The following DEFB1 variants were observed in gnomAD, a reference collection of about 807,000 sequenced individuals.
The protein encoded by DEFB1 is defensin beta 1.
Under a neutral mutation model 2.6 loss-of-function variants are expected in DEFB1, and 4 were observed. That is an observed-to-expected ratio of 1.53 (90% CI 0.76 to 3.51). DEFB1 has a LOEUF of 3.51. Among genes scored for constraint, DEFB1 ranks in the 30% most tolerant of loss-of-function variants. The pLI is 0.01. For missense variants in DEFB1, 162 were observed against 76.9 expected (o/e 2.11, Z -4.14); for synonymous variants, 56 against 28.5 (o/e 1.96, Z -3.07).
chr8:6,870,787 T>C lies in DEFB1; in HGVS notation c.101A>G (p.His34Arg), dbSNP rs772408298. The C allele has an allele frequency of 1.1e-5, 18 of 1,614,052 alleles. No homozygotes were observed. The highest frequency in any genetic ancestry group is 1.4e-5 in the Non-Finnish European group (16 of 1,180,032). ...CCCTCCACTGCTGACGCAATTGTAA[T>C]GATCAGATCTGTGGCCAAGGCCTGT... Reference protein sequence around the residue: ...FLTGLGHRSDHYNCVSSGGQC... With the variant: ...FLTGLGHRSDRYNCVSSGGQC... The change falls in exon 2 of 2, where the codon CAT becomes CGT. Residue 34 changes from histidine to arginine, a missense_variant. Transcript: ENST00000297439.
At chr8:6,875,883 G>A (rs1021199169) in intron 1 of DEFB1, among the ~76,000 whole-genome samples, 9 of 151,992 alleles carry the variant, frequency 5.9e-5, no homozygotes, top group Admixed American at 4.6e-4. Flanking sequence ...AATATGAAAA[G>A]TTACCACCAT....
chr8:6,874,125 ACACACACACACACACACACACG>A (rs1306006911), intron 1 of DEFB1, among the ~76,000 whole-genome samples: 5 of 98,456 alleles, frequency 5.1e-5, no homozygotes, highest in African/African-American at 1.2e-4. Flanking sequence ...ACATACACAC[ACACACACACACACACACACACG>A]CACACACACG....
chr8:6,870,888 A>C (rs1806288094), intron 1 of DEFB1, 62 bp from the exon 2 acceptor site: 1 of 1,535,028 alleles, frequency 6.5e-7, no homozygotes, highest in East Asian at 2.3e-5. Flanking sequence ...ATTTGAGAAC[A>C]TCTCGCGAAA....
chr8:6,874,855 G>A lies in DEFB1; in HGVS notation c.61+2942C>T, dbSNP rs142751040. ...AAATTAGCCAGGTGTGGTGACAGGC[G>A]CCTGTAATCCCAGCCACTCGGGAGG... On this transcript the variant is annotated intron_variant, in intron 1 of 1. Coordinates refer to ENST00000297439, the MANE Select transcript of DEFB1 (RefSeq NM_005218.4). Among the ~76,000 whole-genome samples, 1,065 of 151,992 alleles carry A rather than the reference G, an allele frequency of 7.0e-3. 20 individuals are homozygous for A. Among genetic ancestry groups the A allele is most frequent in the African/African-American group, 0.025 (1,031 of 41,434 alleles).
chr8:6,877,892 C>G lies in DEFB1; in HGVS notation c.-35G>C. 1.9e-6 allele frequency: 3 copies of G among 1,607,282 alleles called. No individual in the cohort carries two copies. Among genetic ancestry groups the G allele is most frequent in the Non-Finnish European group, 2.6e-6 (3 of 1,173,880 alleles). On this transcript the variant is annotated 5_prime_UTR_variant, in exon 1 of 2. Coordinates refer to ENST00000297439, the MANE Select transcript of DEFB1 (RefSeq NM_005218.4). ...CAGGCAACACCCAGGATTTCAGGAA[C>G]TGGGGAGACGCTGGCTCCTTTGGAG...
intron 1 of DEFB1, among the ~76,000 whole-genome samples, chr8:6,875,752 T>C (rs1053224967): frequency 6.6e-6 from 1 of 152,198 alleles, no homozygotes; most frequent in African/African-American, 2.4e-5. Flanking sequence ...GATCCGGTGA[T>C]GCAACTTTTC....
At chr8:6,872,522 C>T (rs1806360035) in intron 1 of DEFB1, among the ~76,000 whole-genome samples, 1 of 152,062 alleles carries the variant, frequency 6.6e-6, no homozygotes, top group Admixed American at 6.5e-5. Flanking sequence ...TTAAACACAT[C>T]CACAGGAGAA....
chr8:6,875,183 C>T (rs549016027), intron 1 of DEFB1, among the ~76,000 whole-genome samples: 1 of 151,730 alleles, frequency 6.6e-6, no homozygotes, highest in Non-Finnish European at 1.5e-5. Flanking sequence ...ATATTGGGGA[C>T]TATCTTCATG....
intron 1 of DEFB1, among the ~76,000 whole-genome samples, chr8:6,872,837 C>G (rs1220650924): frequency 6.6e-6 from 1 of 152,168 alleles, no homozygotes; most frequent in East Asian, 1.9e-4. Context: ...TAGACTCTGC[C>G]AAAGTCTCCA....
At position 6,877,788 on chromosome 8, in the gene DEFB1, A is replaced by G. The variant is rs1585002855; in HGVS notation, c.61+9T>C. ...GGGATGGGAAACTCTTGCAGGTACC[A>G]GAGCTTACCTGAGGCCATCTCAGAC... is the stretch of plus-strand genomic sequence containing the variant. On this transcript the variant is annotated intron_variant, in intron 1 of 1. Coordinates refer to ENST00000297439, the MANE Select transcript of DEFB1 (RefSeq NM_005218.4). The G allele has an allele frequency of 6.2e-7, 1 of 1,613,036 alleles. No homozygotes were observed. Among genetic ancestry groups the G allele is most frequent in the Non-Finnish European group, 8.5e-7 (1 of 1,179,132 alleles).
chr8:6,875,416 C>G (rs1453643425), intron 1 of DEFB1, among the ~76,000 whole-genome samples: 2 of 151,964 alleles, frequency 1.3e-5, no homozygotes, highest in African/African-American at 2.4e-5. Flanking sequence ...GAACTACAAA[C>G]CAATAAGAAA....
intron 1 of DEFB1, among the ~76,000 whole-genome samples, 175 bp downstream of exon 1, chr8:6,877,622 G>T (rs1310691586): frequency 6.6e-6 from 1 of 152,194 alleles, no homozygotes; most frequent in Non-Finnish European, 1.5e-5. Flanking sequence ...GACCCTGAAG[G>T]CTTGGCAGGG....
At position 6,870,789 on chromosome 8, in the gene DEFB1, A is replaced by G; in HGVS notation, c.99T>C (p.Asp33=). The G allele has an allele frequency of 6.2e-7, 1 of 1,614,196 alleles. No individual in the cohort carries two copies. The highest frequency in any genetic ancestry group is 8.5e-7 in the Non-Finnish European group (1 of 1,180,024). ...NFLTGLGHRS[D]HYNCVSSGGQ... is the part of the protein sequence containing the mutation. Reference sequence around the variant, plus strand: ...CTCCACTGCTGACGCAATTGTAATGATCAGATCTGTGGCCAAGGCCTGTGA... The same window carrying G: ...CTCCACTGCTGACGCAATTGTAATGGTCAGATCTGTGGCCAAGGCCTGTGA... The change falls in exon 2 of 2, where the codon GAT becomes GAC. Residue 33 remains aspartate (D), a synonymous_variant. Coordinates refer to ENST00000297439, the MANE Select transcript of DEFB1 (RefSeq NM_005218.4).
At chr8:6,877,078 T>C (rs1298107109) in intron 1 of DEFB1, among the ~76,000 whole-genome samples, 1 of 152,060 alleles carries the variant, frequency 6.6e-6, no homozygotes, top group African/African-American at 2.4e-5. Context: ...AGCCCCTCAT[T>C]CTGCAGATGA....
intron 1 of DEFB1, among the ~76,000 whole-genome samples, chr8:6,876,345 A>ACG (rs1563398552): frequency 1.2e-4 from 19 of 152,022 alleles, no homozygotes; most frequent in South Asian, 2.1e-4. Flanking sequence ...GCTTGGTGGC[A>ACG]TGCACCTGTA....
At chr8:6,875,596 A>G in intron 1 of DEFB1, among the ~76,000 whole-genome samples, 1 of 152,354 alleles carries the variant, frequency 6.6e-6, no homozygotes, top group East Asian at 1.9e-4. Context: ...GTTAAAATTT[A>G]AAAATAATTG....
intron 1 of DEFB1, among the ~76,000 whole-genome samples, chr8:6,874,265 A>T (rs548516721): frequency 6.6e-6 from 1 of 152,200 alleles, no homozygotes; most frequent in East Asian, 1.9e-4. Context: ...CTACTAACAT[A>T]AAAAAAGTTA....
chr8:6,871,596 T>C (rs947344198), intron 1 of DEFB1, among the ~76,000 whole-genome samples: 1 of 152,124 alleles, frequency 6.6e-6, no homozygotes, highest in Non-Finnish European at 1.5e-5. Flanking sequence ...TAACAGTGCC[T>C]CAGAAGGTGA....
chr8:6,873,811 G>A (rs576325070), intron 1 of DEFB1, among the ~76,000 whole-genome samples: 1 of 152,130 alleles, frequency 6.6e-6, no homozygotes, highest in East Asian at 1.9e-4. Flanking sequence ...TTTAAAACAA[G>A]CTCCTAGGTG....
Sources: gnomAD v4.1 joint callset for allele counts (sites outside exome capture counted in the v4.1 genomes callset) on GRCh38, gnomAD v4.1.1 for gene constraint, MANE v1.5 for transcripts, NCBI Gene and HGNC (gene_info 2026-07-23, HGNC 2026-07-21) for gene names.